DDX60: variants seen among roughly 807,000 people sequenced by gnomAD.
DDX60 encodes probable ATP-dependent RNA helicase DDX60.
Under a neutral mutation model 212.8 loss-of-function variants are expected in DDX60, and 165 were observed. That is an observed-to-expected ratio of 0.78 (90% CI 0.68 to 0.88). DDX60 has a LOEUF of 0.88. DDX60 is among the 40% of genes least tolerant of loss of function. The pLI is 0.00. For synonymous variants in DDX60, 703 were observed against 685.3 expected (o/e 1.03, Z -0.40); for missense variants, 1,905 against 2,003.9 (o/e 0.95, Z 0.94).
At position 168,308,183 on chromosome 4, in the gene DDX60, TA is replaced by T. The variant is rs1233904505; in HGVS notation, c.86del (p.Leu29TyrfsTer12). On this transcript the variant is annotated frameshift_variant, in exon 4 of 38. Coordinates refer to ENST00000393743, the MANE Select transcript of DDX60 (RefSeq NM_017631.6). LOFTEE classifies it high-confidence loss of function. ...ATTCAGATTCAACAAAATCATTGAA[TA>T]AACTGGAATATCTAAAATGAAAAAC... ...NEMPKAEYSS[L>X]FNDFVESEFF... 1 of 1,550,802 alleles carries T rather than the reference TA, an allele frequency of 6.4e-7. No homozygotes were observed. The highest frequency in any genetic ancestry group is 2.3e-5 in the East Asian group (1 of 43,938).
rs545314457 is a variant in DDX60 at position 168,288,245 on chromosome 4, T to C, written c.1112A>G (p.His371Arg). 2 of 1,511,440 alleles carry C rather than the reference T, an allele frequency of 1.3e-6. No homozygotes were observed. The highest frequency in any genetic ancestry group is 1.8e-6 in the Non-Finnish European group (2 of 1,103,898). 93.6% of individuals were successfully genotyped at this position (1,511,440 alleles called of 1,614,324 possible). A position where few individuals can be genotyped will look rare whatever the true frequency, so the allele number is the denominator to read the frequency against. ...AAGCTCATCATTTAAGTCAGAAAGG[T>C]GAATTAAATTCAGATTCCAAAATTC... is the stretch of plus-strand genomic sequence containing the variant. ...TFEFWNLNLI[H>R]LSDLNDELLL... Residue 371 changes from histidine (H) to arginine (R), a missense_variant, in exon 9 of 38, where the codon CAC becomes CGC. Coordinates refer to ENST00000393743, the MANE Select transcript of DDX60 (RefSeq NM_017631.6).
intron 1 of DDX60, among the ~76,000 whole-genome samples, chr4:168,314,312 A>G (rs182636229): frequency 6.9e-6 from 1 of 145,632 alleles, no homozygotes; most frequent in Non-Finnish European, 1.5e-5. Flanking sequence ...GTAACTAATG[A>G]TTGAACACTC....
At position 168,284,928 on chromosome 4, in the gene DDX60, GATC is replaced by G. The variant is rs750692204; in HGVS notation, c.1450_1452del (p.Asp484del). On this transcript the variant is annotated inframe_deletion, in exon 12 of 38. Coordinates refer to ENST00000393743, the MANE Select transcript of DDX60 (RefSeq NM_017631.6). ...TGTTTAACCAGTGAAGTAACAATAG[GATC>G]ATCACTGTGAGACAAAAAAAGGCAT... 6.5e-7 allele frequency: 1 copy of G among 1,548,168 alleles called. No homozygotes were observed. The highest frequency in any genetic ancestry group is 1.4e-5 in the African/African-American group (1 of 73,428).
chr4:168,283,244 T>C (rs1735672094), intron 13 of DDX60, among the ~76,000 whole-genome samples: 1 of 152,172 alleles, frequency 6.6e-6, no homozygotes, highest in African/African-American at 2.4e-5. Context: ...TTATTATGTA[T>C]AGAATATCAT....
chr4:168,314,911 GA>G (rs1166608484), intron 1 of DDX60, among the ~76,000 whole-genome samples: 2 of 152,078 alleles, frequency 1.3e-5, no homozygotes, highest in Non-Finnish European at 2.9e-5. Context: ...TGACAAAAGA[GA>G]AAACTACGCC....
At chr4:168,221,493 T>C (rs1422221205) in intron 36 of DDX60, among the ~76,000 whole-genome samples, 1 of 152,142 alleles carries the variant, frequency 6.6e-6, no homozygotes, top group Non-Finnish European at 1.5e-5. Flanking sequence ...CACAGCATGA[T>C]GTCATGTGAG....
At chr4:168,258,854 A>T (rs979726770) in intron 25 of DDX60, among the ~76,000 whole-genome samples, 4 of 152,132 alleles carry the variant, frequency 2.6e-5, no homozygotes, top group African/African-American at 9.7e-5. Flanking sequence ...CCACAAAAAT[A>T]TGTTTTCATA....
intron 14 of DDX60, among the ~76,000 whole-genome samples, chr4:168,277,808 C>CAAAAA (rs1167471158): frequency 1.8e-5 from 1 of 55,620 alleles, no homozygotes; most frequent in African/African-American, 5.5e-5. Context: ...GACTCCATCT[C>CAAAAA]AAAAAAAAAA....
chr4:168,267,286 G>A (rs535410720), intron 22 of DDX60, among the ~76,000 whole-genome samples: 9 of 152,304 alleles, frequency 5.9e-5, no homozygotes, highest in South Asian at 2.1e-4. Context: ...AGACATGGGA[G>A]CTGAGAGGAA....
chr4:168,217,338 T>C (rs1461342958), intron 37 of DDX60, among the ~76,000 whole-genome samples: 2 of 152,200 alleles, frequency 1.3e-5, no homozygotes, highest in Non-Finnish European at 2.9e-5. Context: ...AAATTCCTTT[T>C]CTTTCCTCTA....
Position 168,236,318 on chromosome 4 carries a change from A to C in DDX60, c.4467T>G (p.His1489Gln), listed in dbSNP as rs1450426062. 1 of 1,610,928 alleles carries C rather than the reference A, an allele frequency of 6.2e-7. No homozygotes were observed. Among genetic ancestry groups the C allele is most frequent in the Non-Finnish European group, 8.5e-7 (1 of 1,178,220 alleles). Residue 1489 changes from histidine (H) to glutamine (Q), a missense_variant, in exon 33 of 38, where the codon CAT becomes CAG. Coordinates refer to ENST00000393743, the MANE Select transcript of DDX60 (RefSeq NM_017631.6). The stretch of plus-strand genomic sequence containing the variant: ...GTGGAAAATATCTTCTTCCAAAGAG[A>C]TGTGCCAATACTAATACTAGCTTTT... ...VMEKLVLVLAHLFGRRYFPPK... is the reference protein window; with the variant it reads ...VMEKLVLVLAQLFGRRYFPPK...
intron 6 of DDX60, among the ~76,000 whole-genome samples, chr4:168,295,624 G>A (rs1009258572): frequency 4.6e-5 from 7 of 152,102 alleles, no homozygotes; most frequent in East Asian, 1.9e-4. Context: ...TATGTGAATC[G>A]TTCATTGCTC....
At position 168,262,137 on chromosome 4, in the gene DDX60, CAAATATTACA is replaced by C. The variant is rs1734649088; in HGVS notation, c.3145-19_3145-10del. On this transcript the variant is annotated splice_polypyrimidine_tract_variant and intron_variant, in intron 23 of 37. Coordinates refer to ENST00000393743, the MANE Select transcript of DDX60 (RefSeq NM_017631.6). ...TTTTCTGGGCACAGTTCCTTGAAAA[CAAATATTACA>C]AAATTAGGCACAATCATGCAAGAAA... 5 of 1,568,444 alleles carry C rather than the reference CAAATATTACA, an allele frequency of 3.2e-6. No homozygotes were observed. The highest frequency in any genetic ancestry group is 4.3e-6 in the Non-Finnish European group (5 of 1,166,280).
Position 168,280,464 on chromosome 4 carries a change from G to A in DDX60, c.1849C>T (p.His617Tyr). The A allele has an allele frequency of 3.1e-6, 5 of 1,614,136 alleles. No individual in the cohort carries two copies. The highest frequency in any genetic ancestry group is 4.2e-6 in the Non-Finnish European group (5 of 1,180,010). ...TCTTCCAGGCTCTTTATTCCAGAGT[G>A]TAAATTTTCTTTCAATTGCTCTTCA... Reference protein sequence around the residue: ...SIEEQLKENLHSGIKSLEDFL... With the variant: ...SIEEQLKENLYSGIKSLEDFL... The change falls in exon 14 of 38, where the codon CAC (histidine) becomes TAC (tyrosine). Residue 617 changes from histidine (H) to tyrosine (Y), a missense_variant. Transcript: ENST00000393743.
chr4:168,301,620 C>T (rs886901103), intron 6 of DDX60, among the ~76,000 whole-genome samples: 1 of 151,998 alleles, frequency 6.6e-6, no homozygotes, highest in African/African-American at 2.4e-5. Flanking sequence ...GACAGCTGTC[C>T]CTTACGGTGG....
chr4:168,273,321 A>G lies in DDX60; in HGVS notation c.2532T>C (p.Gly844=). The G allele has an allele frequency of 1.2e-6, 2 of 1,613,962 alleles. No individual in the cohort carries two copies. The highest frequency in any genetic ancestry group is 1.1e-5 in the South Asian group (1 of 91,070). ...KNLPSGEVLC[G]VFTREYRHDA... ...CATGACGATACTCCCTGGTGAAAAC[A>G]CCACAGAGAACTTCACCACTTGGCA... Residue 844 remains glycine, a synonymous_variant, in exon 18 of 38, where the codon GGT becomes GGC. Coordinates refer to ENST00000393743, the MANE Select transcript of DDX60 (RefSeq NM_017631.6).
chr4:168,284,782 T>C (rs183080471), intron 12 of DDX60, 38 bp downstream of exon 12: 20 of 1,033,492 alleles, frequency 1.9e-5, no homozygotes, highest in Non-Finnish European at 2.2e-5. Context: ...GAGAGTAAAG[T>C]AGATTTAAAT....
intron 12 of DDX60, 54 bp from the exon 13 acceptor site, chr4:168,283,660 C>T: frequency 7.7e-7 from 1 of 1,302,744 alleles, no homozygotes; most frequent in Non-Finnish European, 1.1e-6. Context: ...CAATAGCATT[C>T]TCATCAATTC....
At chr4:168,303,336 C>T (rs921102154) in intron 5 of DDX60, among the ~76,000 whole-genome samples, 1 of 151,412 alleles carries the variant, frequency 6.6e-6, no homozygotes, top group South Asian at 2.1e-4. Context: ...AGGAAAGATT[C>T]GACAGTGTGT....
Sources: allele counts gnomAD v4.1 joint callset (sites outside exome capture counted in the v4.1 genomes callset), GRCh38; gene constraint gnomAD v4.1.1; transcripts MANE v1.5; gene names NCBI Gene and HGNC (gene_info 2026-07-23, HGNC 2026-07-21).